The following FRAS1 variants were observed in gnomAD, a reference collection of about 807,000 sequenced individuals.
FRAS1 encodes extracellular matrix organizing protein FRAS1.
FRAS1 carries 290 observed loss-of-function variants against 435.2 expected under a neutral mutation model. The ratio of observed to expected loss-of-function variants is 0.67; its 90% CI spans 0.61 to 0.73. The LOEUF is 0.73. Ranked by LOEUF, FRAS1 falls within the 30% of genes least tolerant of loss-of-function variation. The pLI, the probability that FRAS1 is intolerant of heterozygous loss-of-function variation, is 0.00. For missense variants in FRAS1, 4,860 were observed against 5,001.5 expected, an observed-to-expected ratio of 0.97 and a Z score of 0.85; for synonymous variants, 1,800 against 1,851.0, an observed-to-expected ratio of 0.97 and a Z score of 0.71.
At chr4:78,363,689 GC>G in intron 21 of FRAS1, 24 bp downstream of exon 21, 1 of 1,563,662 alleles carries the variant, frequency 6.4e-7, no homozygotes, top group Non-Finnish European at 8.7e-7. Flanking sequence ...GGACTCAGGA[GC>G]TGGAGCTGCC....
chr4:78,423,953 G>A (rs941861921), intron 34 of FRAS1, among the ~76,000 whole-genome samples: 4 of 152,160 alleles, frequency 2.6e-5, no homozygotes, highest in Non-Finnish European at 5.9e-5. Flanking sequence ...TTATCTATGG[G>A]ATAAATGCTG....
intron 14 of FRAS1, among the ~76,000 whole-genome samples, chr4:78,297,765 T>A (rs1728205380): frequency 6.6e-6 from 1 of 152,186 alleles, no homozygotes; most frequent in Non-Finnish European, 1.5e-5. Context: ...ATCTGAAATG[T>A]ATCACTAAGA....
At position 78,541,602 on chromosome 4, in the gene FRAS1, A is replaced by G. The variant is rs1722054401; in HGVS notation, c.*478A>G. 6.5e-6 allele frequency: 1 copy of G among 152,780 alleles called. No individual in the cohort carries two copies. The allele number at this position is 152,780 out of a possible 1,614,324, so 9.5% of individuals were successfully genotyped here. A position where few individuals can be genotyped will look rare whatever the true frequency, so the allele number is the denominator to read the frequency against. On this transcript the variant is annotated 3_prime_UTR_variant, in exon 74 of 74. Transcript: ENST00000512123. ...TGCTGACACCCAGATTCCATTAAAAATTCTGCTAATCGACACAACACATAT... is the reference window on the plus strand; with the variant it reads ...TGCTGACACCCAGATTCCATTAAAAGTTCTGCTAATCGACACAACACATAT...
intron 2 of FRAS1, among the ~76,000 whole-genome samples, chr4:78,093,996 TTGA>T (rs1741659471): frequency 6.6e-6 from 1 of 152,070 alleles, no homozygotes; most frequent in South Asian, 2.1e-4. Context: ...CCACCAAGTC[TTGA>T]TGGCCATTCT....
At position 78,477,929 on chromosome 4, in the gene FRAS1, C is replaced by T; in HGVS notation, c.7966C>T (p.Leu2656=). 6.2e-7 allele frequency: 1 copy of T among 1,613,582 alleles called. No individual in the cohort carries two copies. The highest frequency in any genetic ancestry group is 8.5e-7 in the Non-Finnish European group (1 of 1,179,762). The change falls in exon 55 of 74, where the codon CTG becomes TTG. Residue 2656 remains leucine (L), a synonymous_variant. Coordinates refer to ENST00000512123, the MANE Select transcript of FRAS1 (RefSeq NM_025074.7). The part of the protein sequence containing the change: ...TVELSMPAYA[L]LGEFTQAKVI... ...GGAGCTCAGCATGCCAGCTTATGCC[C>T]TGTTAGGGGAATTCACCCAGGCGAA...
intron 41 of FRAS1, among the ~76,000 whole-genome samples, chr4:78,443,749 C>T (rs1198331703): frequency 6.6e-6 from 1 of 152,214 alleles, no homozygotes; most frequent in Non-Finnish European, 1.5e-5. Context: ...GAGCTTAAAG[C>T]TTCAGTGACA....
intron 19 of FRAS1, 135 bp downstream of exon 19, chr4:78,333,547 G>T: frequency 1.1e-6 from 1 of 890,816 alleles, no homozygotes; most frequent in Non-Finnish European, 1.7e-6. Context: ...TGAACTTGCA[G>T]ATTCAAAGTA....
chr4:78,440,912 A>G (rs1734631814), intron 40 of FRAS1, among the ~76,000 whole-genome samples: 1 of 152,146 alleles, frequency 6.6e-6, no homozygotes, highest in South Asian at 2.1e-4. Flanking sequence ...CAGATCCATC[A>G]TTGAATGGAG....
rs775548230 is a variant in FRAS1, at chr4:78,266,829, T to A, written c.688-5T>A. The A allele has an allele frequency of 6.3e-7, 1 of 1,592,008 alleles. No individual in the cohort carries two copies. The highest frequency in any genetic ancestry group is 1.1e-5 in the South Asian group (1 of 87,520). ...TCCATGTTCTTCTTTCCTGTCTTCA[T>A]GCAGCATGGTGAGCAGTGGAGCGAA... On this transcript the variant is annotated splice_polypyrimidine_tract_variant and splice_region_variant and intron_variant, in intron 7 of 73. Coordinates refer to ENST00000512123, the MANE Select transcript of FRAS1 (RefSeq NM_025074.7).
At chr4:78,269,614 TTTG>T (rs1166796872) in intron 9 of FRAS1, among the ~76,000 whole-genome samples, 8 of 152,220 alleles carry the variant, frequency 5.3e-5, no homozygotes, top group Admixed American at 4.6e-4. Flanking sequence ...GCATACAGTT[TTTG>T]TTGTTGTTAA....
chr4:78,173,669 A>G (rs138718837), intron 2 of FRAS1, among the ~76,000 whole-genome samples: 221 of 152,222 alleles, frequency 1.5e-3, no homozygotes, highest in Admixed American at 1.2e-3. Flanking sequence ...ACTCATTCTT[A>G]CTCAACTCAC....
intron 69 of FRAS1, 113 bp downstream of exon 69, chr4:78,522,921 G>T: frequency 3.0e-6 from 3 of 987,626 alleles, no homozygotes; most frequent in Non-Finnish European, 4.2e-6. Flanking sequence ...TTTAAAAGGG[G>T]AATTGATAGA....
chr4:78,077,841 T>C (rs146186649), intron 2 of FRAS1, among the ~76,000 whole-genome samples: 1 of 152,212 alleles, frequency 6.6e-6, no homozygotes, highest in East Asian at 1.9e-4. Context: ...CTTTTTTGTT[T>C]TTTTCTAAGA....
chr4:78,117,327 G>A (rs558560407), intron 2 of FRAS1, among the ~76,000 whole-genome samples: 17 of 152,118 alleles, frequency 1.1e-4, no homozygotes, highest in South Asian at 1.0e-3. Context: ...TGCTCTTCTC[G>A]AGGAATATCT....
intron 2 of FRAS1, among the ~76,000 whole-genome samples, chr4:78,218,439 A>G (rs995277055): frequency 6.6e-6 from 1 of 152,174 alleles, no homozygotes. Flanking sequence ...AGTTCAATAC[A>G]GTTCATTACG....
At chr4:78,225,602 G>A (rs1459932627) in intron 2 of FRAS1, among the ~76,000 whole-genome samples, 2 of 152,110 alleles carry the variant, frequency 1.3e-5, no homozygotes, top group East Asian at 3.8e-4. Context: ...AGATGTAAAG[G>A]ACCAGGCTGT....
chr4:78,508,072 A>C (rs938572204), intron 62 of FRAS1, among the ~76,000 whole-genome samples: 1 of 152,218 alleles, frequency 6.6e-6, no homozygotes, highest in African/African-American at 2.4e-5. Context: ...CATATCTATC[A>C]TCCCACATAT....
At chr4:78,181,996 G>A in intron 2 of FRAS1, 13 of 1,565,204 alleles carry the variant, frequency 8.3e-6, no homozygotes, top group Non-Finnish European at 1.1e-5. Context: ...ATAACTGGTC[G>A]AATCGGTTGG....
At chr4:78,072,734 CG>C (rs1184361281) in intron 2 of FRAS1, among the ~76,000 whole-genome samples, 4 of 151,916 alleles carry the variant, frequency 2.6e-5, no homozygotes, top group Non-Finnish European at 1.5e-5. Flanking sequence ...TTTTAAAATA[CG>C]GAGTAATATG....
Sources: gnomAD v4.1 joint callset for allele counts (sites outside exome capture counted in the v4.1 genomes callset) on GRCh38, gnomAD v4.1.1 for gene constraint, MANE v1.5 for transcripts, NCBI Gene and HGNC (gene_info 2026-07-23, HGNC 2026-07-21) for gene names.